TRIM63: variants seen among roughly 807,000 people sequenced by gnomAD.
TRIM63 encodes E3 ubiquitin-protein ligase TRIM63.
Under a neutral mutation model 46.0 loss-of-function variants are expected in TRIM63, and 48 were observed. The observed-to-expected ratio is 1.04, with a 90% CI of 0.83 to 1.33. The LOEUF (loss-of-function observed/expected upper bound fraction) is 1.33. Among genes scored for constraint, TRIM63 ranks in the 40% most tolerant of loss-of-function variants. The pLI, the probability that TRIM63 is intolerant of heterozygous loss-of-function variation, is 0.00. For synonymous variants in TRIM63, 175 were observed against 162.8 expected (o/e 1.08, Z -0.57); for missense variants, 455 against 441.2 (o/e 1.03, Z -0.28).
chr1:26,061,429 G>A, intron 2 of TRIM63, 95 bp from the exon 3 acceptor site: 1 of 1,353,564 alleles, frequency 7.4e-7, no homozygotes, highest in South Asian at 1.3e-5. Context: ...TGGGGAGGCT[G>A]AGGCAGGAGG....
chr1:26,062,761 G>T (rs538690776), intron 2 of TRIM63, among the ~76,000 whole-genome samples: 1 of 152,082 alleles, frequency 6.6e-6, no homozygotes, highest in Non-Finnish European at 1.5e-5. Context: ...TGGGGCCTGG[G>T]GGGGATTTTT....
At position 26,057,226 on chromosome 1, in the gene TRIM63, A is replaced by G. The variant is rs773482443; in HGVS notation, c.956T>C (p.Leu319Pro). 1.7e-5 allele frequency: 27 copies of G among 1,614,160 alleles called. No homozygotes were observed. In the Admixed American group the frequency reaches 4.5e-4, roughly 27 times the overall value. ...ACCTGTCCCAAAGTCAATGGCTCTC[A>G]GGGCGTCTGCTATGTGCTCTAAATC... ...TLDLEHIADA[L>P]RAIDFGTDEE... Residue 319 changes from leucine to proline, a missense_variant, in exon 7 of 9, where the codon CTG becomes CCG. Leu to Pro is a moderately conservative substitution (Grantham distance 98, BLOSUM62 -3). Coordinates refer to ENST00000374272, the MANE Select transcript of TRIM63 (RefSeq NM_032588.4).
At chr1:26,052,561 G>T (rs1350155233) in intron 8 of TRIM63, among the ~76,000 whole-genome samples, 1 of 152,132 alleles carries the variant, frequency 6.6e-6, no homozygotes, top group Non-Finnish European at 1.5e-5. Context: ...GCCCCCCTGG[G>T]GTTCTAGCGA....
At chr1:26,053,581 A>G (rs1052895058) in intron 8 of TRIM63, among the ~76,000 whole-genome samples, 2 of 152,218 alleles carry the variant, frequency 1.3e-5, no homozygotes, top group Admixed American at 6.5e-5. Flanking sequence ...CTGGCCAAAC[A>G]AAACACCTCA....
At chr1:26,053,863 C>T (rs766380480) in intron 8 of TRIM63, 30 bp downstream of exon 8, 71 of 1,523,200 alleles carry the variant, frequency 4.7e-5, no homozygotes, top group South Asian at 1.8e-4. Context: ...AATGAAGGAA[C>T]GAAGGAATGG....
chr1:26,053,380 G>A (rs1381009584), intron 8 of TRIM63, among the ~76,000 whole-genome samples: 2 of 152,190 alleles, frequency 1.3e-5, no homozygotes, highest in Admixed American at 6.5e-5. Context: ...AGCCTCCTAA[G>A]TAGCTGGTAC....
intron 2 of TRIM63, among the ~76,000 whole-genome samples, chr1:26,065,016 G>GTT (rs1227626513): frequency 6.7e-6 from 1 of 149,908 alleles, no homozygotes; most frequent in Non-Finnish European, 1.5e-5. Flanking sequence ...GTTGTGTTGT[G>GTT]TTGTGTGTGT....
At chr1:26,066,476 C>G in intron 1 of TRIM63, 36 bp from the exon 2 acceptor site, 1 of 1,496,264 alleles carries the variant, frequency 6.7e-7, no homozygotes, top group Non-Finnish European at 8.9e-7. Context: ...GGCCTGGGCT[C>G]CCTACTTAGC....
At chr1:26,065,884 C>T (rs914643889) in intron 2 of TRIM63, among the ~76,000 whole-genome samples, 13 of 152,222 alleles carry the variant, frequency 8.5e-5, no homozygotes, top group African/African-American at 3.1e-4. Flanking sequence ...TGACGCTGTT[C>T]CTCATGGCAC....
chr1:26,062,764 G>A lies in TRIM63; in HGVS notation c.333-1430C>T, dbSNP rs181292643. Among the ~76,000 whole-genome samples, 296 of 152,134 alleles carry A rather than the reference G, an allele frequency of 1.9e-3. 3 individuals carry two copies. The highest frequency in any genetic ancestry group is 0.01 in the Middle Eastern group (3 of 294). The stretch of plus-strand genomic sequence containing the variant: ...ACCTAGATTCATTGGGGCCTGGGGG[G>A]GATTTTTTTGTTGTTGTGTTGTTCT... On this transcript the variant is annotated intron_variant, in intron 2 of 8. Coordinates refer to ENST00000374272, the MANE Select transcript of TRIM63 (RefSeq NM_032588.4).
chr1:26,065,244 C>A (rs1183387067), intron 2 of TRIM63, among the ~76,000 whole-genome samples: 1 of 151,824 alleles, frequency 6.6e-6, no homozygotes, highest in East Asian at 1.9e-4. Context: ...GTCTGGTCTC[C>A]AACTCCTGAC....
chr1:26,061,014 G>A (rs1385370211), intron 3 of TRIM63, 152 bp downstream of exon 3: 13 of 869,840 alleles, frequency 1.5e-5, no homozygotes, highest in Non-Finnish European at 2.3e-5. Context: ...GGAAGGCCAG[G>A]GCTGCTGTCC....
chr1:26,062,780 G>A (rs944912491), intron 2 of TRIM63, among the ~76,000 whole-genome samples: 16 of 152,014 alleles, frequency 1.1e-4, no homozygotes, highest in Non-Finnish European at 2.2e-4. Flanking sequence ...TTTTGTTGTT[G>A]TGTTGTTCTG....
At chr1:26,063,539 G>C (rs1019363143) in intron 2 of TRIM63, among the ~76,000 whole-genome samples, 85 of 152,336 alleles carry the variant, frequency 5.6e-4, no homozygotes, top group African/African-American at 2.0e-3. Flanking sequence ...CTGATAAAGG[G>C]ATGGCAGGGA....
At chr1:26,060,042 C>T (rs1315383790) in intron 4 of TRIM63, among the ~76,000 whole-genome samples, 1 of 152,214 alleles carries the variant, frequency 6.6e-6, no homozygotes, top group African/African-American at 2.4e-5. Context: ...TGGTTCACTC[C>T]TCCATCCCCC....
chr1:26,055,945 G>A (rs2050566980), intron 7 of TRIM63, among the ~76,000 whole-genome samples: 1 of 152,116 alleles, frequency 6.6e-6, no homozygotes, highest in Non-Finnish European at 1.5e-5. Flanking sequence ...GGTATATCTG[G>A]GGCTCTGAAA....
chr1:26,067,021 C>G (rs1196068827), intron 1 of TRIM63, among the ~76,000 whole-genome samples: 1 of 152,166 alleles, frequency 6.6e-6, no homozygotes, highest in Non-Finnish European at 1.5e-5. Context: ...TCTGGTTTCT[C>G]TCTCCTGTCC....
Position 26,067,624 on chromosome 1 carries a change from G to T in TRIM63, c.-130C>A. 1 of 1,019,884 alleles carries T rather than the reference G, an allele frequency of 9.8e-7. No individual in the cohort carries two copies. Among genetic ancestry groups the T allele is most frequent in the Non-Finnish European group, 1.4e-6 (1 of 710,370 alleles). The allele number at this position is 1,019,884 out of a possible 1,614,324, so 63.2% of individuals were successfully genotyped here. ...TGTTGGCTTCCTTCTCCTGGTGCCC[G>T]AATTCTGTCTTGGTCTGAGGCCCCT... On this transcript the variant is annotated 5_prime_UTR_variant, in exon 1 of 9. Coordinates refer to ENST00000374272, the MANE Select transcript of TRIM63 (RefSeq NM_032588.4).
intron 5 of TRIM63, among the ~76,000 whole-genome samples, chr1:26,057,991 A>G (rs924903763): frequency 6.6e-6 from 1 of 152,190 alleles, no homozygotes; most frequent in Admixed American, 6.5e-5. Flanking sequence ...GAAGCCTAGA[A>G]CATTTTTATT....
Sources: allele counts gnomAD v4.1 joint callset (sites outside exome capture counted in the v4.1 genomes callset), GRCh38; gene constraint gnomAD v4.1.1; transcripts MANE v1.5; gene names NCBI Gene and HGNC (gene_info 2026-07-23, HGNC 2026-07-21).